The following TNPO3 variants were observed in gnomAD, a reference collection of about 807,000 sequenced individuals.
TNPO3 encodes transportin 3.
TNPO3 carries 65 observed loss-of-function variants against 122.8 expected under a neutral mutation model. The ratio of observed to expected loss-of-function variants is 0.53; its 90% CI spans 0.43 to 0.65. The LOEUF is 0.65. Among genes scored for constraint, TNPO3 ranks in the 30% least tolerant of loss-of-function variants. The pLI, the probability that TNPO3 is intolerant of heterozygous loss-of-function variation, is 0.00. For missense variants in TNPO3, 850 were observed against 1,136.7 expected, an observed-to-expected ratio of 0.75 and a Z score of 3.63; for synonymous variants, 372 against 411.2, an observed-to-expected ratio of 0.90 and a Z score of 1.15.
chr7:129,009,669 G>A (rs1319097554), intron 4 of TNPO3, among the ~76,000 whole-genome samples: 1 of 152,148 alleles, frequency 6.6e-6, no homozygotes, highest in African/African-American at 2.4e-5. Flanking sequence ...ACATGTGGAT[G>A]GGATTATTTT....
intron 1 of TNPO3, among the ~76,000 whole-genome samples, chr7:129,027,359 G>T (rs1199993909): frequency 6.6e-6 from 1 of 151,662 alleles, no homozygotes; most frequent in Non-Finnish European, 1.5e-5. Flanking sequence ...TCAGGAGTTT[G>T]AGACTAACCT....
chr7:129,052,962 TAC>T (rs1233744128), intron 1 of TNPO3, among the ~76,000 whole-genome samples: 5 of 152,192 alleles, frequency 3.3e-5, no homozygotes, highest in African/African-American at 1.2e-4. Flanking sequence ...TTGTGTAGCC[TAC>T]AGTGAGTCGT....
chr7:129,053,504 A>G (rs918360939), intron 1 of TNPO3, among the ~76,000 whole-genome samples: 4 of 151,772 alleles, frequency 2.6e-5, no homozygotes, highest in Non-Finnish European at 4.4e-5. Context: ...CAAAAAAAAA[A>G]AAAAAAAAAA....
At chr7:129,032,060 A>C (rs1198668895) in intron 1 of TNPO3, among the ~76,000 whole-genome samples, 1 of 136,390 alleles carries the variant, frequency 7.3e-6, no homozygotes, top group African/African-American at 2.7e-5. Context: ...GGGTGGCTCA[A>C]CATATGAAAA....
upstream of TNPO3, chr7:129,056,079 T>C (rs368551126): frequency 8.3e-5 from 96 of 1,156,288 alleles, 1 homozygote; most frequent in South Asian, 1.1e-3. Context: ...GCGGAAGAAA[T>C]GTCTGGGGGA....
chr7:129,003,201 C>T (rs1396724441), intron 5 of TNPO3, among the ~76,000 whole-genome samples: 1 of 149,976 alleles, frequency 6.7e-6, no homozygotes. Flanking sequence ...CCAGCCTGGG[C>T]GACAGAGGGA....
intron 13 of TNPO3, among the ~76,000 whole-genome samples, chr7:128,982,695 TTTATA>T (rs776290831): frequency 3.9e-5 from 6 of 152,088 alleles, no homozygotes; most frequent in South Asian, 2.1e-4. Context: ...TATATTTAGC[TTTATA>T]TTATAAGGCT....
chr7:129,006,412 T>C (rs961321653), intron 4 of TNPO3, among the ~76,000 whole-genome samples: 2 of 152,162 alleles, frequency 1.3e-5, no homozygotes, highest in African/African-American at 4.8e-5. Context: ...ATAATAAACA[T>C]GTCATCCCAC....
At chr7:129,011,894 T>C (rs1803242974) in intron 4 of TNPO3, among the ~76,000 whole-genome samples, 1 of 152,208 alleles carries the variant, frequency 6.6e-6, no homozygotes, top group African/African-American at 2.4e-5. Flanking sequence ...GCTGTACATA[T>C]TTTCTAATTT....
chr7:129,025,935 G>A (rs982964403), intron 1 of TNPO3, among the ~76,000 whole-genome samples: 1 of 152,054 alleles, frequency 6.6e-6, no homozygotes, highest in African/African-American at 2.4e-5. Context: ...AGACCAGCCT[G>A]GCCAACATGG....
At chr7:128,974,587 A>C (rs911182068) in intron 18 of TNPO3, among the ~76,000 whole-genome samples, 5 of 152,198 alleles carry the variant, frequency 3.3e-5, no homozygotes, top group African/African-American at 1.2e-4. Flanking sequence ...AGAGGACTGT[A>C]GAGATGATCT....
chr7:129,027,558 CAAAAAAAAAAAAAAA>C (rs71162549), intron 1 of TNPO3, among the ~76,000 whole-genome samples: 8 of 8,960 alleles, frequency 8.9e-4, no homozygotes, highest in Admixed American at 2.6e-3. Context: ...AAGACTGTCT[CAAAAAAAAAAAAAAA>C]AAAAAAAAAA....
chr7:129,019,930 A>G (rs1804272186), intron 1 of TNPO3, among the ~76,000 whole-genome samples: 1 of 152,114 alleles, frequency 6.6e-6, no homozygotes, highest in African/African-American at 2.4e-5. Context: ...CAGGAGGCAG[A>G]GGTTGCAGTG....
At chr7:128,955,410 A>G (rs967998362) in intron 22 of TNPO3, 25 bp from the exon 23 acceptor site, 6 of 448,764 alleles carry the variant, frequency 1.3e-5, no homozygotes, top group Non-Finnish European at 2.2e-5. Context: ...AAGACAGTCA[A>G]TAACTGCACC....
At chr7:129,025,852 G>A (rs1260252598) in intron 1 of TNPO3, among the ~76,000 whole-genome samples, 5 of 152,198 alleles carry the variant, frequency 3.3e-5, no homozygotes, top group African/African-American at 1.2e-4. Context: ...TAGGCTGGGC[G>A]GAGTGGCTCA....
intron 16 of TNPO3, among the ~76,000 whole-genome samples, chr7:128,978,159 C>T (rs1018784152): frequency 6.6e-6 from 1 of 152,222 alleles, no homozygotes; most frequent in Non-Finnish European, 1.5e-5. Flanking sequence ...AGGTTAACAT[C>T]AACACAATTA....
chr7:129,010,701 C>T (rs972976547), intron 4 of TNPO3, among the ~76,000 whole-genome samples: 8 of 152,180 alleles, frequency 5.3e-5, no homozygotes, highest in African/African-American at 1.9e-4. Flanking sequence ...TGTATATATA[C>T]TAAGACATAG....
intron 5 of TNPO3, among the ~76,000 whole-genome samples, chr7:129,002,181 C>A (rs191744753): frequency 6.6e-6 from 1 of 152,330 alleles, no homozygotes; most frequent in East Asian, 1.9e-4. Context: ...AGCCATCAAT[C>A]AAGATCGAAA....
At position 129,001,092 on chromosome 7, in the gene TNPO3, T is replaced by C; in HGVS notation, c.839A>G (p.Tyr280Cys). The C allele has an allele frequency of 6.2e-7, 1 of 1,614,164 alleles. No individual in the cohort carries two copies. The highest frequency in any genetic ancestry group is 1.1e-5 in the South Asian group (1 of 91,080). ...ATCTTCACGTGCCACGGCCATATGA[T>C]AGGCAGTCTCCAATGTCAGCACTCC... ...FQGVLTLETA[Y>C]HMAVAREDLD... The change falls in exon 6 of 23, where the codon TAT becomes TGT. Residue 280 changes from tyrosine to cysteine, a missense_variant. Transcript: ENST00000265388.
Sources: gnomAD v4.1 joint callset for allele counts (sites outside exome capture counted in the v4.1 genomes callset) on GRCh38, gnomAD v4.1.1 for gene constraint, MANE v1.5 for transcripts, NCBI Gene and HGNC (gene_info 2026-07-23, HGNC 2026-07-21) for gene names.